Variants in HIVEP2 observed in about 807,000 individuals in gnomAD.
HIVEP2 encodes the protein HIVEP zinc finger 2.
Under a neutral mutation model 180.7 loss-of-function variants are expected in HIVEP2, and 14 were observed. The observed-to-expected ratio is 0.08, with a 90% CI of 0.05 to 0.12. HIVEP2 has a LOEUF of 0.12. HIVEP2 is among the 10% of genes least tolerant of loss of function. The pLI, the probability that HIVEP2 is intolerant of heterozygous loss-of-function variation, is 1.00. For missense variants in HIVEP2, 2,579 were observed against 3,008.5 expected (o/e 0.86, Z 3.34); for synonymous variants, 1,184 against 1,136.4 (o/e 1.04, Z -0.84).
At chr6:142,928,234 A>G (rs952381799) in intron 1 of HIVEP2, among the ~76,000 whole-genome samples, 1 of 152,238 alleles carries the variant, frequency 6.6e-6, no homozygotes, top group Admixed American at 6.5e-5. Context: ...CTGAGAAGCT[A>G]AAACTACCCT....
chr6:142,920,975 C>G (rs1381329963), intron 1 of HIVEP2, among the ~76,000 whole-genome samples: 4 of 152,034 alleles, frequency 2.6e-5, no homozygotes, highest in African/African-American at 9.7e-5. Flanking sequence ...AGAGGGAGAT[C>G]CTGTCTCAAT....
At chr6:142,929,647 G>A (rs950748575) in intron 1 of HIVEP2, among the ~76,000 whole-genome samples, 4 of 152,118 alleles carry the variant, frequency 2.6e-5, no homozygotes, top group Admixed American at 6.5e-5. Flanking sequence ...CATGAAGTGC[G>A]CAATTCCAAC....
chr6:142,756,030 G>GT (rs1377864158), intron 9 of HIVEP2, among the ~76,000 whole-genome samples: 1 of 152,170 alleles, frequency 6.6e-6, no homozygotes, highest in Non-Finnish European at 1.5e-5. Flanking sequence ...TTAAATCTCA[G>GT]TAAGAAAATT....
intron 2 of HIVEP2, among the ~76,000 whole-genome samples, chr6:142,792,711 G>C (rs1307089384): frequency 6.6e-6 from 1 of 151,644 alleles, no homozygotes; most frequent in Non-Finnish European, 1.5e-5. Context: ...ATGTATCCCA[G>C]AATTTAAAAT....
In HIVEP2 at chr6:142,753,388, C is replaced by T. The variant is rs760664664; in HGVS notation, c.7060G>A (p.Val2354Met). ...AGGGGGTTCTGGTGGGGCTCCTGCACCCGCGCTGGCTGATCTGGCCCGAGC... is the reference window on the plus strand; with the variant it reads ...AGGGGGTTCTGGTGGGGCTCCTGCATCCGCGCTGGCTGATCTGGCCCGAGC... ...ALLGPDQPAR[V>M]QEPHQNPLGS... Residue 2354 changes from valine (V) to methionine (M), a missense_variant, in exon 10 of 10, where the codon GTG (valine) becomes ATG (methionine). Val to Met is a conservative substitution (Grantham distance 21). Transcript: ENST00000367603. 1.2e-6 allele frequency: 2 copies of T among 1,613,960 alleles called. No individual in the cohort carries two copies. The highest frequency in any genetic ancestry group is 8.5e-7 in the Non-Finnish European group (1 of 1,180,020).
chr6:142,903,686 C>T (rs1777189548), intron 1 of HIVEP2, among the ~76,000 whole-genome samples: 1 of 152,076 alleles, frequency 6.6e-6, no homozygotes, highest in African/African-American at 2.4e-5. Flanking sequence ...ATTCTGATAT[C>T]AAGGTTAACA....
intron 1 of HIVEP2, among the ~76,000 whole-genome samples, chr6:142,908,378 T>G (rs1343386848): frequency 6.6e-6 from 1 of 152,256 alleles, no homozygotes; most frequent in Non-Finnish European, 1.5e-5. Context: ...TCTTTTTCTC[T>G]GAACTTTCAT....
intron 2 of HIVEP2, among the ~76,000 whole-genome samples, chr6:142,830,864 C>G (rs144917968): frequency 9.8e-5 from 15 of 152,288 alleles, no homozygotes; most frequent in Admixed American, 7.2e-4. Flanking sequence ...TGCACATCCA[C>G]ACAAGCTCAC....
chr6:142,796,981 T>A (rs1176530339), intron 2 of HIVEP2, among the ~76,000 whole-genome samples: 2 of 152,168 alleles, frequency 1.3e-5, no homozygotes, highest in African/African-American at 4.8e-5. Flanking sequence ...CATCTTTACC[T>A]GTGTTTACAT....
At chr6:142,823,346 C>A (rs1389172081) in intron 2 of HIVEP2, among the ~76,000 whole-genome samples, 1 of 152,148 alleles carries the variant, frequency 6.6e-6, no homozygotes, top group African/African-American at 2.4e-5. Flanking sequence ...CTAAACCCCG[C>A]GACAACGGTT....
intron 1 of HIVEP2, among the ~76,000 whole-genome samples, chr6:142,881,022 G>A (rs1776564047): frequency 6.6e-6 from 1 of 152,104 alleles, no homozygotes; most frequent in Non-Finnish European, 1.5e-5. Context: ...CAAGTTTCTT[G>A]AGGAAATAAG....
chr6:142,846,343 AAC>A (rs1272390611), intron 1 of HIVEP2, among the ~76,000 whole-genome samples: 5 of 152,228 alleles, frequency 3.3e-5, no homozygotes, highest in Admixed American at 3.3e-4. Flanking sequence ...CAGACACCAC[AAC>A]GCAAGCTTAA....
chr6:142,819,527 G>A (rs1223319232), intron 2 of HIVEP2, among the ~76,000 whole-genome samples: 1 of 152,198 alleles, frequency 6.6e-6, no homozygotes, highest in African/African-American at 2.4e-5. Context: ...TAACAGGGAA[G>A]AAGATTCATA....
At chr6:142,842,827 T>C (rs1775403887) in intron 1 of HIVEP2, among the ~76,000 whole-genome samples, 1 of 152,084 alleles carries the variant, frequency 6.6e-6, no homozygotes, top group African/African-American at 2.4e-5. Context: ...TTTAAAGAGA[T>C]ATTAGTGATT....
At position 142,772,083 on chromosome 6, in the gene HIVEP2, T is replaced by C. The variant is rs1775559925; in HGVS notation, c.2656A>G (p.Ile886Val). 1 of 1,614,210 alleles carries C rather than the reference T, an allele frequency of 6.2e-7. No individual in the cohort carries two copies. Among genetic ancestry groups the C allele is most frequent in the East Asian group, 2.2e-5 (1 of 44,878 alleles). Residue 886 changes from isoleucine (I) to valine (V), a missense_variant, in exon 5 of 10, where the codon ATC (isoleucine) becomes GTC (valine). Physicochemically the swap from Ile to Val is conservative, Grantham distance 29. Transcript: ENST00000367603. The surrounding 1 kb of genome is among the most constrained non-coding windows in gnomAD (Gnocchi z 4.9). Reference protein sequence around the residue: ...TQPRLVRQHNIQVPEIRVTEE... With the variant: ...TQPRLVRQHNVQVPEIRVTEE... Reference sequence around the variant, plus strand: ...GTCACTCGAATCTCAGGAACCTGGATGTTGTGTTGCCGAACTAGCCTGGGC... The same window carrying C: ...GTCACTCGAATCTCAGGAACCTGGACGTTGTGTTGCCGAACTAGCCTGGGC...
At chr6:142,868,362 C>T (rs1329310348) in intron 1 of HIVEP2, among the ~76,000 whole-genome samples, 1 of 152,202 alleles carries the variant, frequency 6.6e-6, no homozygotes, top group African/African-American at 2.4e-5. Flanking sequence ...AAAATACATT[C>T]TATCATGAGC....
intron 2 of HIVEP2, among the ~76,000 whole-genome samples, chr6:142,825,059 T>C (rs1007455570): frequency 6.6e-6 from 1 of 152,200 alleles, no homozygotes; most frequent in Non-Finnish European, 1.5e-5. Flanking sequence ...TAGCAAGTTT[T>C]TTTCTTCCTA....
At chr6:142,768,253 CTG>C (rs1478706254) in intron 6 of HIVEP2, 127 bp downstream of exon 6, 1 of 826,262 alleles carries the variant, frequency 1.2e-6, no homozygotes, top group East Asian at 2.6e-5. Flanking sequence ...GAGTTCAGAA[CTG>C]TGAATAGAAA....
intron 3 of HIVEP2, among the ~76,000 whole-genome samples, 156 bp downstream of exon 3, chr6:142,783,365 T>C (rs1051987965): frequency 1.4e-5 from 2 of 140,836 alleles, no homozygotes. Context: ...TAGTCTACTA[T>C]GAAAAACAAA....
Sources: gnomAD v4.1 joint callset for allele counts (sites outside exome capture counted in the v4.1 genomes callset) on GRCh38, gnomAD v4.1.1 for gene constraint, Gnocchi (gnomAD v3.1) non-coding constraint, MANE v1.5 for transcripts, NCBI Gene and HGNC (gene_info 2026-07-23, HGNC 2026-07-21) for gene names.